Variants in DAAM1 observed in about 807,000 individuals in gnomAD.
DAAM1 encodes dishevelled associated activator of morphogenesis 1.
A neutral mutation model predicts 130.0 loss-of-function variants in DAAM1; 52 were observed. The observed-to-expected ratio is 0.40, with a 90% CI of 0.32 to 0.50. The LOEUF (loss-of-function observed/expected upper bound fraction) is 0.50, where lower values mean the gene tolerates loss of function less well. DAAM1 is among the 20% of genes least tolerant of loss of function. The pLI, the probability that DAAM1 is intolerant of heterozygous loss-of-function variation, is 0.61. For missense variants in DAAM1, 1,134 were observed against 1,303.8 expected, an observed-to-expected ratio of 0.87 and a Z score of 2.01; for synonymous variants, 452 against 444.5, an observed-to-expected ratio of 1.02 and a Z score of -0.21.
intron 16 of DAAM1, among the ~76,000 whole-genome samples, chr14:59,344,133 T>C (rs1275826478): frequency 1.3e-5 from 2 of 152,162 alleles, no homozygotes; most frequent in Admixed American, 6.5e-5. Context: ...TTTTATGAAG[T>C]GTTCTGCCGT....
intron 1 of DAAM1, among the ~76,000 whole-genome samples, chr14:59,224,225 T>C (rs1255056972): frequency 6.6e-6 from 1 of 152,238 alleles, no homozygotes; most frequent in Admixed American, 6.5e-5. Context: ...AGACCCCATC[T>C]GGTACAGCAG....
At chr14:59,211,411 AT>A (rs2139411396) in intron 1 of DAAM1, among the ~76,000 whole-genome samples, 1 of 152,242 alleles carries the variant, frequency 6.6e-6, no homozygotes, top group South Asian at 2.1e-4. Context: ...GTCCCTGTGC[AT>A]TTGTTTGGGG....
chr14:59,356,103 GCT>G (rs1886470518), intron 20 of DAAM1, among the ~76,000 whole-genome samples: 1 of 152,244 alleles, frequency 6.6e-6, no homozygotes, highest in African/African-American at 2.4e-5. Context: ...TTCCTTGAGA[GCT>G]CTGTTTCTCT....
intron 1 of DAAM1, among the ~76,000 whole-genome samples, chr14:59,263,239 G>T (rs1361107422): frequency 6.6e-6 from 1 of 152,178 alleles, no homozygotes; most frequent in Admixed American, 6.5e-5. Flanking sequence ...GTTATTGCAG[G>T]AAACAGTCAA....
intron 1 of DAAM1, among the ~76,000 whole-genome samples, chr14:59,217,970 CAA>C (rs529262981): frequency 2.4e-4 from 26 of 109,630 alleles, no homozygotes; most frequent in East Asian, 5.1e-4. Context: ...GACTCTGTCT[CAA>C]AAAAAAAAAA....
intron 2 of DAAM1, among the ~76,000 whole-genome samples, chr14:59,274,200 AAG>A (rs1175188082): frequency 5.3e-5 from 8 of 152,204 alleles, no homozygotes; most frequent in African/African-American, 1.9e-4. Context: ...ATTTGTTGGC[AAG>A]ATCCAAAAGC....
rs960616698 is a variant in DAAM1 at position 59,286,552 on chromosome 14, AAGC to A, written c.184-4662_184-4660del. On this transcript the variant is annotated intron_variant, in intron 2 of 24. Coordinates refer to ENST00000360909, the MANE Select transcript of DAAM1 (RefSeq NM_001270520.2). ...CTGCTAGCTAGATTAATAAGGGAAA[AAGC>A]AGAGAAAATCTAAATAAACACAGTC... is the stretch of plus-strand genomic sequence containing the variant. Among the ~76,000 whole-genome samples, 11 of 152,250 alleles carry A rather than the reference AAGC, an allele frequency of 7.2e-5. No homozygotes were observed. In the East Asian group the frequency reaches 1.2e-3, roughly 16 times the overall value.
At position 59,355,154 on chromosome 14, in the gene DAAM1, T is replaced by C. The variant is rs1308498648; in HGVS notation, c.2357-11T>C. On this transcript the variant is annotated splice_polypyrimidine_tract_variant and intron_variant, in intron 19 of 24. Transcript: ENST00000360909. ...CTTGGTAATCATGTTTTTATGTGTT[T>C]TGTTTTGAAGCAATTCGTTCTGGCT... is the stretch of plus-strand genomic sequence containing the variant. 1 of 1,603,220 alleles carries C rather than the reference T, an allele frequency of 6.2e-7. No homozygotes were observed.
intron 18 of DAAM1, 54 bp downstream of exon 18, chr14:59,352,686 A>T (rs1886332813): frequency 6.8e-7 from 1 of 1,477,316 alleles, no homozygotes. Flanking sequence ...TCTAAGCTTC[A>T]TGAATTTTCA....
chr14:59,297,752 C>G (rs1056016908), intron 3 of DAAM1, among the ~76,000 whole-genome samples: 14 of 152,096 alleles, frequency 9.2e-5, no homozygotes, highest in Admixed American at 2.6e-4. Context: ...TTATTGTTCT[C>G]TTTTATTATT....
intron 3 of DAAM1, among the ~76,000 whole-genome samples, chr14:59,310,487 A>G (rs997285973): frequency 6.6e-6 from 1 of 152,070 alleles, no homozygotes; most frequent in Non-Finnish European, 1.5e-5. Flanking sequence ...CAATGGATAG[A>G]ATTTTTTCAT....
chr14:59,202,643 T>C (rs898052530), intron 1 of DAAM1, among the ~76,000 whole-genome samples: 4 of 152,358 alleles, frequency 2.6e-5, no homozygotes, highest in African/African-American at 9.6e-5. Flanking sequence ...GCTCAGATTA[T>C]CCTCTGTCTT....
chr14:59,338,511 G>GT (rs1274536846), intron 15 of DAAM1: 5 of 1,409,898 alleles, frequency 3.5e-6, no homozygotes, highest in Non-Finnish European at 4.9e-6. Context: ...TTTTGTTTTT[G>GT]TTTTTTTACA....
rs1377464411 is a variant in DAAM1, at chr14:59,285,989, G to A, written c.184-5228G>A. ...ATATATATTTTGCTCATCTCACATG[G>A]CACATACTCTAAGATCAACCACATA... On this transcript the variant is annotated intron_variant, in intron 2 of 24. Coordinates refer to ENST00000360909, the MANE Select transcript of DAAM1 (RefSeq NM_001270520.2). Among the ~76,000 whole-genome samples, 3 of 152,108 alleles carry A rather than the reference G, an allele frequency of 2.0e-5. No homozygotes were observed. In the East Asian group the frequency reaches 5.8e-4, roughly 29 times the overall value.
chr14:59,357,497 G>A (rs777491422), intron 20 of DAAM1, among the ~76,000 whole-genome samples: 4 of 152,208 alleles, frequency 2.6e-5, no homozygotes, highest in African/African-American at 9.6e-5. Flanking sequence ...TTGAAATGGA[G>A]GCTGGGTGCA....
chr14:59,355,188 G>A lies in DAAM1; in HGVS notation c.2380G>A (p.Val794Met). 1 of 1,613,442 alleles carries A rather than the reference G, an allele frequency of 6.2e-7. No individual in the cohort carries two copies. The highest frequency in any genetic ancestry group is 8.5e-7 in the Non-Finnish European group (1 of 1,179,754). Residue 794 changes from valine (V) to methionine (M), a missense_variant, in exon 20 of 25, where the codon GTG (valine) becomes ATG (methionine). Physicochemically the swap from Val to Met is conservative, Grantham distance 21. Coordinates refer to ENST00000360909, the MANE Select transcript of DAAM1 (RefSeq NM_001270520.2). ...AGCAATTCGTTCTGGCTCAGAAGAG[G>A]TGTTTAGGAGTGGTGCCCTCAAGCA... Reference protein sequence around the residue: ...VEAIRSGSEEVFRSGALKQLL... With the variant: ...VEAIRSGSEEMFRSGALKQLL...
intron 2 of DAAM1, among the ~76,000 whole-genome samples, chr14:59,286,119 C>A (rs1044548019): frequency 6.6e-6 from 1 of 152,094 alleles, no homozygotes; most frequent in Non-Finnish European, 1.5e-5. Flanking sequence ...CCAAGAAGAT[C>A]TATCAAAACC....
At chr14:59,200,075 G>A (rs752593265) in intron 1 of DAAM1, among the ~76,000 whole-genome samples, 1 of 152,222 alleles carries the variant, frequency 6.6e-6, no homozygotes, top group Non-Finnish European at 1.5e-5. Flanking sequence ...TTAGAGCAAA[G>A]TAAAGGTCAG....
intron 1 of DAAM1, among the ~76,000 whole-genome samples, chr14:59,212,694 G>T (rs1308256646): frequency 6.6e-6 from 1 of 152,022 alleles, no homozygotes; most frequent in African/African-American, 2.4e-5. Flanking sequence ...AGTAAACAAG[G>T]GATCTAACTA....
Sources: gnomAD v4.1 joint callset for allele counts (sites outside exome capture counted in the v4.1 genomes callset) on GRCh38, gnomAD v4.1.1 for gene constraint, MANE v1.5 for transcripts, NCBI Gene and HGNC (gene_info 2026-07-23, HGNC 2026-07-21) for gene names.